TACC3: variants seen among roughly 807,000 people sequenced by gnomAD.
TACC3 encodes the protein transforming acidic coiled-coil containing protein 3.
A neutral mutation model predicts 86.0 loss-of-function variants in TACC3; 52 were observed. The ratio of observed to expected loss-of-function variants is 0.60; its 90% CI spans 0.48 to 0.76. TACC3 has a LOEUF of 0.76. Ranked by LOEUF, TACC3 falls within the 30% of genes least tolerant of loss-of-function variation. The pLI is 0.00. For synonymous variants in TACC3, 512 were observed against 430.0 expected (o/e 1.19, Z -2.36); for missense variants, 1,120 against 1,070.4 (o/e 1.05, Z -0.65).
intron 6 of TACC3, among the ~76,000 whole-genome samples, chr4:1,732,967 C>T (rs907864782): frequency 1.3e-5 from 2 of 152,166 alleles, no homozygotes; most frequent in Non-Finnish European, 2.9e-5. Context: ...GGAGTGGAGT[C>T]GCTGGTCACA....
At chr4:1,722,702 G>A (rs566272187) in intron 1 of TACC3, among the ~76,000 whole-genome samples, 2 of 152,220 alleles carry the variant, frequency 1.3e-5, no homozygotes, top group South Asian at 2.1e-4. Flanking sequence ...TTTTCCCTAC[G>A]TCATTCCCTA....
intron 8 of TACC3, among the ~76,000 whole-genome samples, 190 bp downstream of exon 8, chr4:1,736,024 G>C (rs944638526): frequency 6.6e-6 from 1 of 152,258 alleles, no homozygotes; most frequent in Non-Finnish European, 1.5e-5. Context: ...AGGAGCAACG[G>C]CAGCCTACCC....
intron 4 of TACC3, among the ~76,000 whole-genome samples, chr4:1,730,159 C>G (rs1377577197): frequency 6.6e-6 from 1 of 152,226 alleles, no homozygotes; most frequent in Non-Finnish European, 1.5e-5. Flanking sequence ...CTGCCTCAGC[C>G]TCCCGAGTAG....
chr4:1,734,562 T>C (rs1477697216), intron 6 of TACC3, among the ~76,000 whole-genome samples: 1 of 152,190 alleles, frequency 6.6e-6, no homozygotes, highest in Non-Finnish European at 1.5e-5. Flanking sequence ...AGACCAGCCC[T>C]GGCAACGTAG....
Position 1,728,294 on chromosome 4 carries a change from GCTC to G in TACC3, c.895_897del (p.Pro299del). On this transcript the variant is annotated inframe_deletion, in exon 4 of 16. Coordinates refer to ENST00000313288, the MANE Select transcript of TACC3 (RefSeq NM_006342.3). ...GACCCTTACCTGTGCACACACCTCT[GCTC>G]CTGAGAGCACAGCCCCAACCAACCA... The G allele has an allele frequency of 6.2e-7, 1 of 1,612,846 alleles. No homozygotes were observed. The highest frequency in any genetic ancestry group is 1.7e-5 in the Admixed American group (1 of 60,028).
chr4:1,725,691 C>G (rs1717649584), intron 3 of TACC3, among the ~76,000 whole-genome samples: 1 of 152,230 alleles, frequency 6.6e-6, no homozygotes, highest in Admixed American at 6.5e-5. Flanking sequence ...CCCTGAGGGG[C>G]TCCAGCCAGA....
chr4:1,723,148 C>T (rs747788369), intron 1 of TACC3: 3 of 476,456 alleles, frequency 6.3e-6, no homozygotes, highest in Non-Finnish European at 1.1e-5. Flanking sequence ...CTCACCATCT[C>T]AGCCTGAAGG....
At chr4:1,744,451 G>T in intron 13 of TACC3, 67 bp from the exon 14 acceptor site, 3 of 1,464,618 alleles carry the variant, frequency 2.0e-6, no homozygotes, top group Non-Finnish European at 1.9e-6. Context: ...CAGGTCCCCA[G>T]ACACCAAGCC....
chr4:1,723,318 GTGTGGGAAGTGGTCGTGCCCCT>G (rs1264521444), intron 1 of TACC3, 81 bp from the exon 2 acceptor site: 1 of 1,204,986 alleles, frequency 8.3e-7, no homozygotes, highest in East Asian at 2.5e-5. Flanking sequence ...GAGCACACCT[GTGTGGGAAGTGGTCGTGCCCCT>G]TGCAGCAGCT....
At chr4:1,724,757 G>C (rs1024142464) in intron 3 of TACC3, among the ~76,000 whole-genome samples, 1 of 150,458 alleles carries the variant, frequency 6.6e-6, no homozygotes, top group Non-Finnish European at 1.5e-5. Context: ...TTTTGCTGAT[G>C]TAACTGTTGT....
intron 10 of TACC3, among the ~76,000 whole-genome samples, chr4:1,738,986 G>A (rs1318525735): frequency 6.6e-6 from 1 of 152,168 alleles, no homozygotes; most frequent in Non-Finnish European, 1.5e-5. Context: ...AAGGGGCGAA[G>A]AGAACCAGGA....
At chr4:1,743,429 TGTA>T (rs1408795516) in intron 13 of TACC3, among the ~76,000 whole-genome samples, 1 of 152,030 alleles carries the variant, frequency 6.6e-6, no homozygotes, top group Non-Finnish European at 1.5e-5. Flanking sequence ...GGCACGCACC[TGTA>T]GTCCCAGCTA....
At chr4:1,731,370 C>T (rs1336212019) in intron 6 of TACC3, 69 bp downstream of exon 6, 4 of 1,565,296 alleles carry the variant, frequency 2.6e-6, no homozygotes, top group Non-Finnish European at 3.5e-6. Context: ...TTGGGCAGCT[C>T]GAGACACCTG....
At position 1,723,493 on chromosome 4, in the gene TACC3, T is replaced by A; in HGVS notation, c.72T>A (p.Phe24Leu). The change falls in exon 2 of 16, where the codon TTT becomes TTA. Residue 24 changes from phenylalanine (F) to leucine (L), a missense_variant. Coordinates refer to ENST00000313288, the MANE Select transcript of TACC3 (RefSeq NM_006342.3). ...EKNTENCDFL[F>L]SPPEVTGRSS... ...ATACAGAAAATTGCGACTTCCTGTT[T>A]TCGCCACCAGAAGTTACCGGAAGAT... 1.2e-6 allele frequency: 2 copies of A among 1,613,808 alleles called. No individual in the cohort carries two copies. Among genetic ancestry groups the A allele is most frequent in the Non-Finnish European group, 1.7e-6 (2 of 1,180,004 alleles).
chr4:1,736,715 C>T (rs554148737), intron 8 of TACC3, among the ~76,000 whole-genome samples: 2 of 152,130 alleles, frequency 1.3e-5, no homozygotes, highest in African/African-American at 2.4e-5. Flanking sequence ...TTGAGACCAG[C>T]CTGGCCAACA....
Position 1,723,848 on chromosome 4 carries a change from C to T in TACC3, c.283C>T (p.Pro95Ser), listed in dbSNP as rs748859222. 2.5e-6 allele frequency: 4 copies of T among 1,613,352 alleles called. No individual in the cohort carries two copies. ...CACCCTTGGACTGGAAAACTCACACCCGGTCTGGACACAGAAAGAGAAGTA... is the reference window on the plus strand; with the variant it reads ...CACCCTTGGACTGGAAAACTCACACTCGGTCTGGACACAGAAAGAGAAGTA... ...DDTLGLENSH[P>S]VWTQKENQQL... The change falls in exon 3 of 16, where the codon CCG becomes TCG. Residue 95 changes from proline to serine, a missense_variant. By Grantham distance (74) the Pro-to-Ser change is moderately conservative. Transcript: ENST00000313288.
chr4:1,724,922 G>A (rs1055042884), intron 3 of TACC3, among the ~76,000 whole-genome samples: 8 of 120,484 alleles, frequency 6.6e-5, no homozygotes, highest in Non-Finnish European at 9.8e-5. Flanking sequence ...CACCATGCCC[G>A]GCCAATTTTT....
rs373262797 is a variant in TACC3, at chr4:1,727,897, G to A, written c.495G>A (p.Glu165=). The stretch of plus-strand genomic sequence containing the variant: ...CTTCCCAGAGCCCAGGAAGTTCTGA[G>A]AACCAAATGGTGTCTCCAGGAAAAG... ...SSSSQSPGSS[E]NQMVSPGKVS... The change falls in exon 4 of 16, where the codon GAG becomes GAA. Residue 165 remains glutamate, a synonymous_variant. Coordinates refer to ENST00000313288, the MANE Select transcript of TACC3 (RefSeq NM_006342.3). 60 of 1,613,850 alleles carry A rather than the reference G, an allele frequency of 3.7e-5. 1 individual carries two copies. The highest frequency in any genetic ancestry group is 2.9e-4 in the South Asian group (26 of 91,090).
chr4:1,725,222 A>G (rs1433033291), intron 3 of TACC3, among the ~76,000 whole-genome samples: 1 of 152,162 alleles, frequency 6.6e-6, no homozygotes, highest in African/African-American at 2.4e-5. Context: ...ATGAGCCACC[A>G]CGCCCGGCTG....
Sources: allele counts gnomAD v4.1 joint callset (sites outside exome capture counted in the v4.1 genomes callset), GRCh38; gene constraint gnomAD v4.1.1; transcripts MANE v1.5; gene names NCBI Gene and HGNC (gene_info 2026-07-23, HGNC 2026-07-21).